ATR: variants seen among roughly 807,000 people sequenced by gnomAD.
ATR encodes the protein ATR checkpoint kinase.
In ATR, 142 loss-of-function variants were observed where a neutral mutation model predicts 305.3. The ratio of observed to expected loss-of-function variants is 0.47; its 90% CI spans 0.41 to 0.53. The LOEUF (loss-of-function observed/expected upper bound fraction) is 0.53. Among genes scored for constraint, ATR ranks in the 20% least tolerant of loss-of-function variants. ATR has a pLI of 0.00. For missense variants in ATR, 2,135 were observed against 3,133.1 expected (o/e 0.68, Z 7.60); for synonymous variants, 1,050 against 1,068.1 (o/e 0.98, Z 0.33).
chr3:142,570,472 C>T (rs979747797), intron 1 of ATR, among the ~76,000 whole-genome samples: 4 of 152,108 alleles, frequency 2.6e-5, no homozygotes, highest in South Asian at 2.1e-4. Context: ...CCGCAACCTC[C>T]GCCTCCTGGG....
chr3:142,526,182 T>A (rs1473049856), intron 21 of ATR, among the ~76,000 whole-genome samples: 1 of 152,180 alleles, frequency 6.6e-6, no homozygotes, highest in Non-Finnish European at 1.5e-5. Context: ...CATATGAAAA[T>A]TATTAATTTT....
intron 35 of ATR, among the ~76,000 whole-genome samples, chr3:142,489,896 T>TATTAATGTATTGCTATTAA (rs2031176952): frequency 6.6e-6 from 1 of 152,258 alleles, no homozygotes; most frequent in Non-Finnish European, 1.5e-5. Context: ...TAGGTATTGC[T>TATTAATGTATTGCTATTAA]AGTCTTTCAG....
At chr3:142,559,092 C>A (rs867168377) in intron 7 of ATR, 159 bp downstream of exon 7, 1 of 789,770 alleles carries the variant, frequency 1.3e-6, no homozygotes. Flanking sequence ...AAATTGGCAA[C>A]TCAGAACTTC....
chr3:142,476,181 C>T (rs947963356), intron 36 of ATR, among the ~76,000 whole-genome samples: 3 of 152,056 alleles, frequency 2.0e-5, no homozygotes, highest in East Asian at 3.8e-4. Flanking sequence ...TGCCTATGTC[C>T]CAAATGGTAT....
rs2071098744 is a variant in ATR, at chr3:142,465,154, T to C, written c.6984A>G (p.Pro2328=). The change falls in exon 41 of 47, where the codon CCA becomes CCG. Residue 2328 remains proline, a synonymous_variant. Transcript: ENST00000350721. ...DGKFYIMMCK[P]KDDLRKDCRL... Reference sequence around the variant, plus strand: ...TACAATCCTTTCTCAGGTCATCTTTTGGCTTACACATCATGATGTAGAACT... The same window carrying C: ...TACAATCCTTTCTCAGGTCATCTTTCGGCTTACACATCATGATGTAGAACT... 2 of 1,606,144 alleles carry C rather than the reference T, an allele frequency of 1.2e-6. No individual in the cohort carries two copies. The highest frequency in any genetic ancestry group is 1.7e-6 in the Non-Finnish European group (2 of 1,174,748).
intron 36 of ATR, 66 bp from the exon 37 acceptor site, chr3:142,470,249 T>G: frequency 7.5e-7 from 1 of 1,331,424 alleles, no homozygotes; most frequent in Admixed American, 2.0e-5. Flanking sequence ...CGAATTAAAA[T>G]TTAAAGATTC....
At chr3:142,545,489 A>G (rs1490036115) in intron 16 of ATR, among the ~76,000 whole-genome samples, 1 of 152,182 alleles carries the variant, frequency 6.6e-6, no homozygotes, top group Non-Finnish European at 1.5e-5. Context: ...GTACCATGTG[A>G]GAGTAGAAAG....
At chr3:142,456,721 C>G (rs2070916850) in intron 45 of ATR, among the ~76,000 whole-genome samples, 1 of 152,112 alleles carries the variant, frequency 6.6e-6, no homozygotes, top group Non-Finnish European at 1.5e-5. Context: ...CAAATTAAAA[C>G]CACAATGAGA....
At chr3:142,578,529 C>CACGGAGCCTCCA in intron 1 of ATR, 117 bp downstream of exon 1, 2 of 1,221,300 alleles carry the variant, frequency 1.6e-6, no homozygotes, top group South Asian at 3.0e-5. Context: ...TCCACAAGGG[C>CACGGAGCCTCCA]CGCAGCGGGG....
At chr3:142,568,189 G>A in intron 1 of ATR, 35 bp from the exon 2 acceptor site, 1 of 1,557,700 alleles carries the variant, frequency 6.4e-7, no homozygotes, top group South Asian at 1.1e-5. Flanking sequence ...AATCCTTAAA[G>A]TGACTCAGTT....
At chr3:142,549,707 AT>A in intron 14 of ATR, 34 bp from the exon 15 acceptor site, 2 of 1,595,882 alleles carry the variant, frequency 1.3e-6, no homozygotes, top group Non-Finnish European at 1.7e-6. Flanking sequence ...CAAAAAGTAC[AT>A]TTGTCTGGGT....
At chr3:142,469,777 G>A in intron 37 of ATR, among the ~76,000 whole-genome samples, 1 of 152,036 alleles carries the variant, frequency 6.6e-6, no homozygotes, top group Non-Finnish European at 1.5e-5. Flanking sequence ...AAACCCAAGG[G>A]ACATTAATTT....
rs768860736 is a variant in ATR, at chr3:142,562,749, G to A, written c.653C>T (p.Ala218Val). 3 of 1,613,306 alleles carry A rather than the reference G, an allele frequency of 1.9e-6. No individual in the cohort carries two copies. Among genetic ancestry groups the A allele is most frequent in the Non-Finnish European group, 2.5e-6 (3 of 1,179,782 alleles). Residue 218 changes from alanine (A) to valine (V), a missense_variant, in exon 4 of 47, where the codon GCA (alanine) becomes GTA (valine). Transcript: ENST00000350721. ...TLLMVLTRII[A>V]IVFFRRQELL... The stretch of plus-strand genomic sequence containing the variant: ...TTCTTGCCTTCTAAAAAACACAATT[G>A]CAATAATACGAGTAAGAACCATTAA...
At chr3:142,485,330 G>T (rs1055842359) in intron 35 of ATR, 48 bp from the exon 36 acceptor site, 8 of 1,598,224 alleles carry the variant, frequency 5.0e-6, no homozygotes, top group African/African-American at 2.7e-5. Flanking sequence ...CCCACGCTAT[G>T]CTGGGAAGTA....
intron 42 of ATR, among the ~76,000 whole-genome samples, chr3:142,459,894 A>C (rs1289814612): frequency 1.3e-5 from 2 of 152,176 alleles, no homozygotes; most frequent in African/African-American, 4.8e-5. Flanking sequence ...GTTCCAGAAT[A>C]CAAGACTCAA....
intron 25 of ATR, among the ~76,000 whole-genome samples, chr3:142,514,907 CTA>C (rs2032794062): frequency 6.6e-6 from 1 of 150,886 alleles, no homozygotes; most frequent in African/African-American, 2.4e-5. Context: ...TACCTTTTGT[CTA>C]TCCAGCATGT....
At chr3:142,544,955 C>T (rs2034210900) in intron 16 of ATR, among the ~76,000 whole-genome samples, 4 of 152,176 alleles carry the variant, frequency 2.6e-5, no homozygotes, top group Admixed American at 2.0e-4. Context: ...CCACAATTCA[C>T]TAATTGTATG....
intron 27 of ATR, among the ~76,000 whole-genome samples, chr3:142,511,281 T>A (rs1161831588): frequency 6.6e-6 from 1 of 152,086 alleles, no homozygotes; most frequent in Non-Finnish European, 1.5e-5. Flanking sequence ...AATATTAGCA[T>A]CTCATTTATT....
At chr3:142,506,708 TAAC>T (rs1438762474) in intron 28 of ATR, among the ~76,000 whole-genome samples, 2 of 151,820 alleles carry the variant, frequency 1.3e-5, no homozygotes, top group Non-Finnish European at 2.9e-5. Context: ...ATAAATAAAA[TAAC>T]AGAAGGGAAG....
Sources: gnomAD v4.1 joint callset for allele counts (sites outside exome capture counted in the v4.1 genomes callset) on GRCh38, gnomAD v4.1.1 for gene constraint, MANE v1.5 for transcripts, NCBI Gene and HGNC (gene_info 2026-07-23, HGNC 2026-07-21) for gene names.